The following SUCLG2 variants were observed in gnomAD, a reference collection of about 807,000 sequenced individuals.
SUCLG2 encodes the protein succinate-CoA ligase GDP-forming subunit beta.
In SUCLG2, 42 loss-of-function variants were observed where a neutral mutation model predicts 47.9. The ratio of observed to expected loss-of-function variants is 0.88; its 90% confidence interval spans 0.69 to 1.14. The LOEUF (loss-of-function observed/expected upper bound fraction) is 1.14, where lower values mean the gene tolerates loss of function less well. Among genes scored for constraint, SUCLG2 ranks in the 50% most tolerant of loss-of-function variants. SUCLG2 has a pLI of 0.00. For missense variants in SUCLG2, 571 were observed against 525.9 expected, an observed-to-expected ratio of 1.09 and a Z score of -0.84; for synonymous variants, 195 against 197.3, an observed-to-expected ratio of 0.99 and a Z score of 0.10.
intron 2 of SUCLG2, among the ~76,000 whole-genome samples, chr3:67,574,414 TA>T (rs745655731): frequency 9.9e-5 from 15 of 152,154 alleles, no homozygotes; most frequent in Admixed American, 2.6e-4. Flanking sequence ...AGGCCAGAAA[TA>T]AATTCTTACA....
chr3:67,647,036 A>T (rs574807696), intron 1 of SUCLG2, among the ~76,000 whole-genome samples: 2 of 152,044 alleles, frequency 1.3e-5, no homozygotes, highest in Admixed American at 6.5e-5. Context: ...CTCACCGTAA[A>T]CTCTACAAGG....
intron 7 of SUCLG2, among the ~76,000 whole-genome samples, chr3:67,506,292 GTTTAA>G (rs370433123): frequency 1.9e-4 from 29 of 152,242 alleles, no homozygotes; most frequent in Admixed American, 5.2e-4. Context: ...TCCTAATTGG[GTTTAA>G]TTTGACTACT....
intron 9 of SUCLG2, among the ~76,000 whole-genome samples, chr3:67,461,725 CA>C (rs760881661): frequency 5.3e-5 from 8 of 152,036 alleles, no homozygotes; most frequent in Non-Finnish European, 1.2e-4. Context: ...TCCAAAATGA[CA>C]ATAATAAATG....
At chr3:67,628,445 T>C (rs1188271460) in intron 1 of SUCLG2, among the ~76,000 whole-genome samples, 1 of 152,204 alleles carries the variant, frequency 6.6e-6, no homozygotes, top group Non-Finnish European at 1.5e-5. Flanking sequence ...TATGTTTAAG[T>C]AACCACAGAT....
At chr3:67,376,250 C>G in intron 10 of SUCLG2, 2 of 985,450 alleles carry the variant, frequency 2.0e-6, no homozygotes, top group Non-Finnish European at 2.4e-6. Flanking sequence ...TTCCGAGAAT[C>G]TGCCCAGCTA....
intron 9 of SUCLG2, among the ~76,000 whole-genome samples, chr3:67,437,741 C>T (rs924261448): frequency 6.6e-5 from 10 of 151,508 alleles, no homozygotes; most frequent in African/African-American, 2.4e-4. Flanking sequence ...TTTGGTTGAA[C>T]GTAAAGTTCT....
At chr3:67,550,706 A>AC in intron 2 of SUCLG2, among the ~76,000 whole-genome samples, 1 of 152,298 alleles carries the variant, frequency 6.6e-6, no homozygotes, top group Middle Eastern at 3.4e-3. Flanking sequence ...AAGATACCTT[A>AC]CCAGAGATAA....
intron 2 of SUCLG2, among the ~76,000 whole-genome samples, chr3:67,541,330 T>C (rs1225400017): frequency 6.6e-6 from 1 of 152,192 alleles, no homozygotes; most frequent in Non-Finnish European, 1.5e-5. Context: ...GATGAATTGC[T>C]AACTAGAATA....
chr3:67,487,984 G>A (rs769078382), intron 9 of SUCLG2, among the ~76,000 whole-genome samples: 8 of 151,728 alleles, frequency 5.3e-5, no homozygotes, highest in Non-Finnish European at 8.8e-5. Context: ...ATACCATTCC[G>A]CCACTGAAAA....
intron 9 of SUCLG2, among the ~76,000 whole-genome samples, chr3:67,464,367 C>A (rs1455964937): frequency 6.6e-6 from 1 of 152,206 alleles, no homozygotes; most frequent in Non-Finnish European, 1.5e-5. Flanking sequence ...TGCATCCTTC[C>A]TGGGAATAGC....
chr3:67,617,325 A>C (rs998224663), intron 1 of SUCLG2, among the ~76,000 whole-genome samples: 1 of 152,234 alleles, frequency 6.6e-6, no homozygotes, highest in African/African-American at 2.4e-5. Flanking sequence ...ACAGCACGTC[A>C]ACTTCTCTTT....
intron 10 of SUCLG2, among the ~76,000 whole-genome samples, chr3:67,364,730 G>A (rs1339299305): frequency 6.6e-6 from 1 of 152,150 alleles, no homozygotes; most frequent in Non-Finnish European, 1.5e-5. Context: ...CAAAGTCTCA[G>A]AAAGTAACAT....
chr3:67,362,980 T>G (rs1176488303), intron 10 of SUCLG2, among the ~76,000 whole-genome samples: 1 of 152,196 alleles, frequency 6.6e-6, no homozygotes, highest in East Asian at 1.9e-4. Flanking sequence ...ACCACATCTT[T>G]GCCAGGTTCC....
At chr3:67,592,837 C>G (rs1245424279) in intron 2 of SUCLG2, among the ~76,000 whole-genome samples, 1 of 151,800 alleles carries the variant, frequency 6.6e-6, no homozygotes, top group African/African-American at 2.4e-5. Flanking sequence ...TGTCACCTCA[C>G]GATACTGTAT....
intron 10 of SUCLG2, among the ~76,000 whole-genome samples, chr3:67,390,817 T>G (rs550249099): frequency 6.6e-6 from 1 of 152,322 alleles, no homozygotes; most frequent in East Asian, 1.9e-4. Flanking sequence ...ACAAAATGTT[T>G]TGAGTGGTTT....
chr3:67,518,386 A>G (rs1706008475), intron 5 of SUCLG2, 50 bp from the exon 6 acceptor site: 1 of 1,527,750 alleles, frequency 6.5e-7, no homozygotes, highest in African/African-American at 1.4e-5. Flanking sequence ...AACTGAGAAG[A>G]TTTACAACCT....
chr3:67,418,970 T>G (rs915504811), intron 9 of SUCLG2, among the ~76,000 whole-genome samples: 2 of 151,828 alleles, frequency 1.3e-5, no homozygotes, highest in Admixed American at 1.3e-4. Context: ...GTGCTCTCTA[T>G]GCCAAGTCAT....
chr3:67,545,561 T>C (rs2107183601), intron 2 of SUCLG2, among the ~76,000 whole-genome samples: 1 of 152,358 alleles, frequency 6.6e-6, no homozygotes, highest in East Asian at 1.9e-4. Context: ...GACTTTAGAT[T>C]ACATCCTGGA....
chr3:67,380,065 T>G (rs1162981598), intron 10 of SUCLG2, among the ~76,000 whole-genome samples: 1 of 151,672 alleles, frequency 6.6e-6, no homozygotes, highest in African/African-American at 2.4e-5. Context: ...AGAAGAGGAG[T>G]GGGCGGGTAC....
Sources: gnomAD v4.1 joint callset for allele counts (sites outside exome capture counted in the v4.1 genomes callset) on GRCh38, gnomAD v4.1.1 for gene constraint, MANE v1.5 for transcripts, NCBI Gene and HGNC (gene_info 2026-07-23, HGNC 2026-07-21) for gene names.